The following PNPLA1 variants were observed in gnomAD, a reference collection of about 807,000 sequenced individuals.
The protein encoded by PNPLA1 is patatin like domain 1, omega-hydroxyceramide transacylase, also known as omega-hydroxyceramide transacylase.
A neutral mutation model predicts 51.7 loss-of-function variants in PNPLA1; 36 were observed. The ratio of observed to expected loss-of-function variants is 0.70; its 90% CI spans 0.53 to 0.92. The LOEUF is 0.92. Ranked by LOEUF, PNPLA1 falls within the 40% of genes least tolerant of loss-of-function variation. The probability of loss-of-function intolerance (pLI) is 0.00; values close to 1 mark genes in which losing one functional copy is unlikely to be tolerated. For synonymous variants in PNPLA1, 293 were observed against 280.1 expected, an observed-to-expected ratio of 1.05 and a Z score of -0.46; for missense variants, 658 against 682.5, an observed-to-expected ratio of 0.96 and a Z score of 0.40.
chr6:36,262,194 T>C (rs1769665046), intron 1 of PNPLA1, among the ~76,000 whole-genome samples: 1 of 152,082 alleles, frequency 6.6e-6, no homozygotes, highest in Non-Finnish European at 1.5e-5. Context: ...ATCCTCTGGC[T>C]CAGACCTGTC....
rs188916060 is a variant in PNPLA1 at position 36,298,017 on chromosome 6, T to G, written c.775+2593T>G. ...ATTCCCAAGCAACCCCTGATCTGCTTTCTGCCATTATAGATTAATTCACTA... is the reference window on the plus strand; with the variant it reads ...ATTCCCAAGCAACCCCTGATCTGCTGTCTGCCATTATAGATTAATTCACTA... On this transcript the variant is annotated intron_variant, in intron 5 of 8. Transcript: ENST00000636260. 7.6e-4 allele frequency among the ~76,000 whole-genome samples: 116 copies of G among 152,342 alleles called. 1 individual carries two copies. The East Asian group carries it at 0.02, about 27-fold the overall frequency.
intron 1 of PNPLA1, among the ~76,000 whole-genome samples, chr6:36,252,139 C>A (rs1279027432): frequency 3.3e-5 from 5 of 151,992 alleles, no homozygotes; most frequent in African/African-American, 1.2e-4. Flanking sequence ...TTCCTCCAGG[C>A]AGAGACTGCA....
intron 1 of PNPLA1, among the ~76,000 whole-genome samples, chr6:36,282,985 A>G (rs896868132): frequency 6.6e-6 from 1 of 152,086 alleles, no homozygotes; most frequent in Non-Finnish European, 1.5e-5. Context: ...ACCTGACCTG[A>G]TCTGTGTTTT....
chr6:36,311,493 G>T (rs551561277), intron 8 of PNPLA1, among the ~76,000 whole-genome samples: 2 of 152,204 alleles, frequency 1.3e-5, no homozygotes, highest in Non-Finnish European at 2.9e-5. Context: ...TGGACTTCCC[G>T]TGTGGTGCTG....
intron 8 of PNPLA1, among the ~76,000 whole-genome samples, chr6:36,309,499 A>G (rs559180635): frequency 6.6e-6 from 1 of 152,302 alleles, no homozygotes; most frequent in Admixed American, 6.5e-5. Context: ...CCCAGGCTCC[A>G]GTTCCTTGAT....
intron 1 of PNPLA1, among the ~76,000 whole-genome samples, chr6:36,282,094 AAGGAAGGAAG>A (rs1561859347): frequency 6.6e-4 from 86 of 130,598 alleles, no homozygotes; most frequent in African/African-American, 2.1e-3. Context: ...AGAAAGAAGG[AAGGAAGGAAG>A]GAAGGAAGGA....
intron 1 of PNPLA1, among the ~76,000 whole-genome samples, chr6:36,286,442 A>G (rs1038056280): frequency 6.6e-6 from 1 of 151,978 alleles, no homozygotes; most frequent in Non-Finnish European, 1.5e-5. Flanking sequence ...ACAGAGTGAG[A>G]CCCTGTTTCT....
upstream of PNPLA1, among the ~76,000 whole-genome samples, chr6:36,268,254 C>G (rs892662140): frequency 3.9e-5 from 6 of 152,168 alleles, no homozygotes; most frequent in African/African-American, 1.4e-4. Context: ...CTCTTACTAC[C>G]CTCTGATAAC....
intron 1 of PNPLA1, among the ~76,000 whole-genome samples, chr6:36,276,510 G>A (rs539578946): frequency 6.6e-6 from 1 of 152,328 alleles, no homozygotes; most frequent in African/African-American, 2.4e-5. Flanking sequence ...TCACCTAGGA[G>A]GGGTGGTCTC....
At chr6:36,293,182 TG>T in intron 3 of PNPLA1, 56 bp downstream of exon 3, 3 of 1,539,102 alleles carry the variant, frequency 1.9e-6, no homozygotes, top group Non-Finnish European at 2.7e-6. Context: ...CTCGGGTCCC[TG>T]TGACTCACAC....
rs1448084591 is a variant in PNPLA1 at position 36,252,496 on chromosome 6, G to A, written c.-81+9235G>A. On this transcript the variant is annotated intron_variant, in intron 1 of 7. Transcript: ENST00000312917. Reference sequence around the variant, plus strand: ...GTGGAATCAGTAGGACTTGGTGAGCGACTGGGTTCAGGGGTTGGGCTGTGT... The same window carrying A: ...GTGGAATCAGTAGGACTTGGTGAGCAACTGGGTTCAGGGGTTGGGCTGTGT... Among the ~76,000 whole-genome samples, 3 of 150,720 alleles carry A rather than the reference G, an allele frequency of 2.0e-5. No homozygotes were observed. The East Asian group carries it at 5.8e-4, about 29-fold the overall frequency.
In PNPLA1 at chr6:36,301,844, G is replaced by A. The variant is rs1406836113; in HGVS notation, c.776-17G>A. The A allele has an allele frequency of 1.2e-6, 2 of 1,605,948 alleles. No homozygotes were observed. Among genetic ancestry groups the A allele is most frequent in the Non-Finnish European group, 1.7e-6 (2 of 1,174,662 alleles). ...CTGCCAGGGCTGAGTAACACCCCAT[G>A]CTATTGTTTATCCTAGATGCTGTTT... On this transcript the variant is annotated splice_polypyrimidine_tract_variant and intron_variant, in intron 5 of 8. Transcript: ENST00000636260.
chr6:36,309,523 C>G (rs1025803125), intron 8 of PNPLA1, among the ~76,000 whole-genome samples: 14 of 152,220 alleles, frequency 9.2e-5, no homozygotes, highest in South Asian at 2.1e-4. Flanking sequence ...AGGGCCAGCT[C>G]TCTTCCCACT....
In PNPLA1 at chr6:36,302,336, T is replaced by C. The variant is rs1297260854; in HGVS notation, c.1251T>C (p.Ser417=). 6.2e-7 allele frequency: 1 copy of C among 1,613,460 alleles called. No individual in the cohort carries two copies. The highest frequency in any genetic ancestry group is 1.1e-5 in the South Asian group (1 of 91,058). Residue 417 remains serine, a synonymous_variant, in exon 6 of 9, where the codon TCT becomes TCC. Coordinates refer to ENST00000636260, the MANE Select transcript of PNPLA1 (RefSeq NM_001374623.1). ...PSGSPARSLH[S]QAPTSPRPSL... ...GATCACCAGCCAGATCCCTACACTC[T>C]CAGGCACCCACTTCACCCAGGCCAT...
upstream of PNPLA1, among the ~76,000 whole-genome samples, chr6:36,268,729 G>T (rs1026236901): frequency 1.3e-5 from 2 of 152,208 alleles, no homozygotes; most frequent in African/African-American, 2.4e-5. Context: ...ACATTTGCCT[G>T]TCTTGTTCCC....
At chr6:36,282,238 GAAA>G in intron 1 of PNPLA1, among the ~76,000 whole-genome samples, 5 of 149,484 alleles carry the variant, frequency 3.3e-5, no homozygotes, top group East Asian at 2.0e-4. Flanking sequence ...AGGAAGGAAA[GAAA>G]GAAAGAAGGA....
At chr6:36,304,666 C>T (rs113397428) in intron 6 of PNPLA1, among the ~76,000 whole-genome samples, 18,929 of 149,296 alleles carry the variant, frequency 0.13, 1,372 homozygotes, top group Middle Eastern at 0.23. Flanking sequence ...GAAAATTGGG[C>T]GCAGTGTTTT....
At chr6:36,264,827 A>G (rs915742593) in intron 1 of PNPLA1, among the ~76,000 whole-genome samples, 1 of 152,226 alleles carries the variant, frequency 6.6e-6, no homozygotes, top group African/African-American at 2.4e-5. Context: ...CCTACAAAAT[A>G]ACAACAGCTC....
At chr6:36,263,565 A>G (rs762677331) in intron 1 of PNPLA1, among the ~76,000 whole-genome samples, 16 of 152,244 alleles carry the variant, frequency 1.1e-4, no homozygotes, top group Non-Finnish European at 1.5e-4. Context: ...TAAACACTCA[A>G]TGGGAGTGGA....
Sources: allele counts gnomAD v4.1 joint callset (sites outside exome capture counted in the v4.1 genomes callset), GRCh38; gene constraint gnomAD v4.1.1; transcripts MANE v1.5; gene names NCBI Gene and HGNC (gene_info 2026-07-23, HGNC 2026-07-21).